Variants in GNAT3 observed in about 807,000 individuals in gnomAD.
The protein encoded by GNAT3 is G protein subunit alpha transducin 3, also known as guanine nucleotide-binding protein G(t) subunit alpha-3.
In GNAT3, 31 loss-of-function variants were observed where a neutral mutation model predicts 37.7. The observed-to-expected ratio is 0.82, with a 90% CI of 0.62 to 1.11. The LOEUF (loss-of-function observed/expected upper bound fraction) is 1.11. Among genes scored for constraint, GNAT3 ranks in the 50% most tolerant of loss-of-function variants. The pLI, the probability that GNAT3 is intolerant of heterozygous loss-of-function variation, is 0.00. For synonymous variants in GNAT3, 138 were observed against 139.8 expected (o/e 0.99, Z 0.09); for missense variants, 437 against 412.5 (o/e 1.06, Z -0.51).
chr7:80,460,641 G>A (rs1328089517), intron 7 of GNAT3, among the ~76,000 whole-genome samples: 3 of 151,982 alleles, frequency 2.0e-5, no homozygotes, highest in South Asian at 2.1e-4. Context: ...CCAGCTACTC[G>A]GGAGGCCAAG....
chr7:80,490,004 A>G (rs1211300611), intron 2 of GNAT3, among the ~76,000 whole-genome samples: 1 of 152,184 alleles, frequency 6.6e-6, no homozygotes, highest in African/African-American at 2.4e-5. Flanking sequence ...GGGACTTTAA[A>G]CAACATCGTT....
At chr7:80,491,004 T>C (rs143984786) in intron 2 of GNAT3, among the ~76,000 whole-genome samples, 31 of 152,232 alleles carry the variant, frequency 2.0e-4, no homozygotes, top group African/African-American at 7.2e-4. Flanking sequence ...AGGAGATTGA[T>C]CTTGACAGCA....
At chr7:80,476,777 G>T (rs1213213027) in intron 4 of GNAT3, among the ~76,000 whole-genome samples, 1 of 151,554 alleles carries the variant, frequency 6.6e-6, no homozygotes, top group Non-Finnish European at 1.5e-5. Context: ...AAAAAAATCT[G>T]CTCTTAATTT....
chr7:80,482,423 CCAAA>C (rs1252304897), intron 3 of GNAT3, among the ~76,000 whole-genome samples: 1 of 152,066 alleles, frequency 6.6e-6, no homozygotes, highest in African/African-American at 2.4e-5. Flanking sequence ...GCTTTACAAA[CCAAA>C]CAAATATACT....
chr7:80,499,597 A>G (rs1011258634), intron 1 of GNAT3, among the ~76,000 whole-genome samples: 1 of 152,224 alleles, frequency 6.6e-6, no homozygotes, highest in Non-Finnish European at 1.5e-5. Context: ...GTGTCAGCTT[A>G]TCATTCACAG....
intron 4 of GNAT3, among the ~76,000 whole-genome samples, chr7:80,475,538 C>A (rs1206569108): frequency 6.6e-6 from 1 of 151,608 alleles, no homozygotes; most frequent in Non-Finnish European, 1.5e-5. Context: ...TTACACTGAA[C>A]CACATTTATA....
intron 2 of GNAT3, among the ~76,000 whole-genome samples, chr7:80,488,903 CTT>C (rs1474285395): frequency 6.6e-6 from 1 of 151,972 alleles, no homozygotes; most frequent in Non-Finnish European, 1.5e-5. Context: ...TATGAAAAGA[CTT>C]AGGATTTGTT....
intron 1 of GNAT3, among the ~76,000 whole-genome samples, chr7:80,502,190 G>A (rs1430935127): frequency 1.3e-5 from 2 of 152,010 alleles, no homozygotes; most frequent in South Asian, 2.1e-4. Flanking sequence ...AGTCTACTGT[G>A]TGGATTGTGG....
chr7:80,496,162 G>T (rs372609328), intron 1 of GNAT3, among the ~76,000 whole-genome samples: 1 of 151,892 alleles, frequency 6.6e-6, no homozygotes, highest in Non-Finnish European at 1.5e-5. Flanking sequence ...ATGGAATCTC[G>T]CTCTGTCACC....
chr7:80,493,359 C>G (rs1358295486), intron 2 of GNAT3, among the ~76,000 whole-genome samples: 1 of 152,066 alleles, frequency 6.6e-6, no homozygotes, highest in African/African-American at 2.4e-5. Flanking sequence ...GAGCTCTGTT[C>G]TTCAGAGACA....
chr7:80,509,988 C>G (rs535733989), intron 1 of GNAT3, among the ~76,000 whole-genome samples: 1 of 152,122 alleles, frequency 6.6e-6, no homozygotes, highest in Non-Finnish European at 1.5e-5. Context: ...GTGCACATAA[C>G]ACCTACTCTC....
At chr7:80,472,131 A>G (rs1790231402) in intron 5 of GNAT3, among the ~76,000 whole-genome samples, 1 of 152,094 alleles carries the variant, frequency 6.6e-6, no homozygotes. Context: ...ATATATTGAT[A>G]ATTTTTTTTA....
intron 2 of GNAT3, among the ~76,000 whole-genome samples, chr7:80,489,782 T>G (rs990643315): frequency 3.3e-5 from 5 of 152,122 alleles, no homozygotes; most frequent in Non-Finnish European, 7.4e-5. Context: ...GTAAAATGTC[T>G]TTATGGATAG....
intron 2 of GNAT3, among the ~76,000 whole-genome samples, chr7:80,491,996 C>T (rs1790600856): frequency 1.3e-5 from 2 of 152,046 alleles, no homozygotes; most frequent in African/African-American, 4.8e-5. Context: ...TAAATGCTCT[C>T]TCATTTTAAA....
chr7:80,468,972 T>C (rs1263501656), intron 5 of GNAT3, among the ~76,000 whole-genome samples: 1 of 152,128 alleles, frequency 6.6e-6, no homozygotes, highest in Non-Finnish European at 1.5e-5. Context: ...ATTATTTTGG[T>C]AATACTAACC....
intron 4 of GNAT3, among the ~76,000 whole-genome samples, chr7:80,478,009 C>A (rs901848661): frequency 1.3e-5 from 2 of 152,202 alleles, no homozygotes; most frequent in African/African-American, 4.8e-5. Context: ...CTCCTGCGCT[C>A]AAGCAATCCT....
chr7:80,474,440 T>C, intron 4 of GNAT3, 61 bp from the exon 5 acceptor site: 1 of 741,456 alleles, frequency 1.3e-6, no homozygotes, highest in Non-Finnish European at 2.2e-6. Flanking sequence ...CATACATATA[T>C]GTATATATAC....
chr7:80,486,917 G>A (rs1488925678), intron 3 of GNAT3, among the ~76,000 whole-genome samples: 1 of 151,902 alleles, frequency 6.6e-6, no homozygotes, highest in Non-Finnish European at 1.5e-5. Flanking sequence ...ATACCGTATT[G>A]CATCTACAAA....
intron 5 of GNAT3, among the ~76,000 whole-genome samples, chr7:80,464,822 A>T (rs1386049549): frequency 2.0e-5 from 3 of 152,148 alleles, no homozygotes; most frequent in Admixed American, 1.3e-4. Context: ...ATATTCCCCA[A>T]ATAATGTACT....
Sources: allele counts gnomAD v4.1 joint callset (sites outside exome capture counted in the v4.1 genomes callset), GRCh38; gene constraint gnomAD v4.1.1; transcripts MANE v1.5; gene names NCBI Gene and HGNC (gene_info 2026-07-23, HGNC 2026-07-21).